The following NRG3 variants were observed in gnomAD, a reference collection of about 807,000 sequenced individuals.
NRG3 encodes neuregulin 3.
NRG3 carries 31 observed loss-of-function variants against 66.9 expected under a neutral mutation model. That is an observed-to-expected ratio of 0.46 (90% confidence interval 0.35 to 0.63). The LOEUF (loss-of-function observed/expected upper bound fraction) is 0.63. NRG3 is among the 20% of genes least tolerant of loss of function. The pLI, the probability that NRG3 is intolerant of heterozygous loss-of-function variation, is 0.00. For missense variants in NRG3, 910 were observed against 878.9 expected (o/e 1.04, Z -0.45); for synonymous variants, 393 against 359.4 (o/e 1.09, Z -1.06).
At chr10:82,348,205 C>A (rs1487083560) in intron 1 of NRG3, among the ~76,000 whole-genome samples, 1 of 152,182 alleles carries the variant, frequency 6.6e-6, no homozygotes, top group African/African-American at 2.4e-5. Flanking sequence ...GCAGCTGGTA[C>A]CTGTTGTTCT....
chr10:82,479,299 T>C lies in NRG3; in HGVS notation c.953+120431T>C, dbSNP rs575963968. On this transcript the variant is annotated intron_variant, in intron 2 of 8. Transcript: ENST00000372141. ...TATTATGAGGTTTGGTACATACGTA[T>C]ATTTATATGTAACTATATGTATACA... Among the ~76,000 whole-genome samples the C allele has an allele frequency of 3.3e-5, 5 of 152,260 alleles. No individual in the cohort carries two copies. In the South Asian group the frequency reaches 8.3e-4, roughly 25 times the overall value.
intron 1 of NRG3, among the ~76,000 whole-genome samples, chr10:81,880,838 T>C (rs1359474553): frequency 6.6e-6 from 1 of 152,192 alleles, no homozygotes; most frequent in Non-Finnish European, 1.5e-5. Flanking sequence ...GTTTTTATCT[T>C]TAGACTCGTG....
At chr10:82,039,911 A>G (rs2062954820) in intron 1 of NRG3, among the ~76,000 whole-genome samples, 1 of 152,090 alleles carries the variant, frequency 6.6e-6, no homozygotes, top group Admixed American at 6.6e-5. Context: ...GAAAGTATTC[A>G]CTATCTACTT....
chr10:82,523,830 C>T (rs1459097104), intron 2 of NRG3, among the ~76,000 whole-genome samples: 4 of 152,106 alleles, frequency 2.6e-5, no homozygotes, highest in African/African-American at 9.6e-5. Context: ...GACTTTTTGG[C>T]TCCAAGTGTG....
chr10:82,060,017 C>T (rs935554406), intron 1 of NRG3, among the ~76,000 whole-genome samples: 1 of 152,176 alleles, frequency 6.6e-6, no homozygotes, highest in Non-Finnish European at 1.5e-5. Flanking sequence ...CTTCTGTTTC[C>T]TCCTTTAAAA....
chr10:82,427,315 T>C (rs2089512943), intron 2 of NRG3, among the ~76,000 whole-genome samples: 1 of 152,154 alleles, frequency 6.6e-6, no homozygotes, highest in South Asian at 2.1e-4. Flanking sequence ...GGTGTTGGTT[T>C]TTCATAAACG....
At chr10:82,555,507 T>G (rs1358158268) in intron 2 of NRG3, among the ~76,000 whole-genome samples, 1 of 152,198 alleles carries the variant, frequency 6.6e-6, no homozygotes, top group East Asian at 1.9e-4. Flanking sequence ...CTGACCATCC[T>G]AAGTACTTCT....
intron 2 of NRG3, among the ~76,000 whole-genome samples, chr10:82,550,288 A>G (rs1565058727): frequency 1.3e-5 from 2 of 152,162 alleles, no homozygotes; most frequent in Admixed American, 6.6e-5. Flanking sequence ...TCCAGTGAAG[A>G]CTAATTGCTA....
At chr10:82,823,544 C>T (rs1163651175) in intron 3 of NRG3, among the ~76,000 whole-genome samples, 3 of 152,088 alleles carry the variant, frequency 2.0e-5, no homozygotes, top group Non-Finnish European at 2.9e-5. Flanking sequence ...GCACCATCAA[C>T]GTTCCCCCAC....
chr10:81,999,551 T>C (rs2061083550), intron 1 of NRG3, among the ~76,000 whole-genome samples: 1 of 152,190 alleles, frequency 6.6e-6, no homozygotes, highest in Non-Finnish European at 1.5e-5. Flanking sequence ...GTAAAAAATG[T>C]TCAAGTTTGT....
At chr10:82,287,825 A>G (rs933376520) in intron 1 of NRG3, among the ~76,000 whole-genome samples, 4 of 152,092 alleles carry the variant, frequency 2.6e-5, no homozygotes, top group African/African-American at 4.8e-5. Context: ...CATTGGTCCA[A>G]CATAGGTTGG....
intron 2 of NRG3, among the ~76,000 whole-genome samples, chr10:82,452,434 G>A (rs997738604): frequency 2.4e-4 from 36 of 152,082 alleles, no homozygotes; most frequent in Non-Finnish European, 3.7e-4. Flanking sequence ...ATTTTCTTCC[G>A]TTAAATTTAT....
intron 1 of NRG3, among the ~76,000 whole-genome samples, chr10:82,084,511 T>TTC (rs2065605224): frequency 6.6e-6 from 1 of 151,762 alleles, no homozygotes; most frequent in Admixed American, 6.6e-5. Context: ...GATTTTTTTT[T>TTC]TTTTTTGCCA....
intron 1 of NRG3, among the ~76,000 whole-genome samples, chr10:82,144,609 C>CT (rs1487053287): frequency 6.6e-6 from 1 of 152,202 alleles, no homozygotes; most frequent in African/African-American, 2.4e-5. Context: ...CAAGTCAACT[C>CT]TGTCAGTGTT....
chr10:82,402,348 A>G (rs187665370), intron 2 of NRG3, among the ~76,000 whole-genome samples: 8 of 152,144 alleles, frequency 5.3e-5, no homozygotes, highest in African/African-American at 1.2e-4. Context: ...AAATAAAGTC[A>G]TGTCTATAGC....
intron 2 of NRG3, among the ~76,000 whole-genome samples, chr10:82,427,729 T>G (rs2089538679): frequency 6.6e-6 from 1 of 152,110 alleles, no homozygotes; most frequent in Admixed American, 6.5e-5. Flanking sequence ...TCACTTTGAG[T>G]CAATAAGTGA....
At chr10:82,880,739 T>C (rs1398689708) in intron 4 of NRG3, among the ~76,000 whole-genome samples, 2 of 152,246 alleles carry the variant, frequency 1.3e-5, no homozygotes, top group African/African-American at 4.8e-5. Context: ...GACACCCACA[T>C]AAATTTAAAT....
chr10:82,174,511 T>A (rs2072879583), intron 1 of NRG3, among the ~76,000 whole-genome samples: 1 of 152,108 alleles, frequency 6.6e-6, no homozygotes, highest in South Asian at 2.1e-4. Context: ...CTTCTGTTTG[T>A]TTTAAGTTTA....
At chr10:82,866,978 G>GA (rs1328145625) in intron 4 of NRG3, among the ~76,000 whole-genome samples, 7 of 151,816 alleles carry the variant, frequency 4.6e-5, no homozygotes, top group East Asian at 1.9e-4. Context: ...GGGACAGAGA[G>GA]AAAAAAAATG....
Sources: allele counts gnomAD v4.1 joint callset (sites outside exome capture counted in the v4.1 genomes callset), GRCh38; gene constraint gnomAD v4.1.1; transcripts MANE v1.5; gene names NCBI Gene and HGNC (gene_info 2026-07-23, HGNC 2026-07-21).